CALCRL: variants seen among roughly 807,000 people sequenced by gnomAD.
The protein encoded by CALCRL is calcitonin receptor like receptor, also known as calcitonin gene-related peptide type 1 receptor.
CALCRL carries 27 observed loss-of-function variants against 60.4 expected under a neutral mutation model. That is an observed-to-expected ratio of 0.45 (90% confidence interval 0.33 to 0.62). The LOEUF (loss-of-function observed/expected upper bound fraction) is 0.62, where lower values mean the gene tolerates loss of function less well. CALCRL is among the 20% of genes least tolerant of loss of function. The pLI, the probability that CALCRL is intolerant of heterozygous loss-of-function variation, is 0.03. For synonymous variants in CALCRL, 190 were observed against 182.6 expected (o/e 1.04, Z -0.33); for missense variants, 424 against 540.7 (o/e 0.78, Z 2.14).
chr2:187,411,818 A>G (rs1689372054), intron 1 of CALCRL, among the ~76,000 whole-genome samples: 1 of 151,716 alleles, frequency 6.6e-6, no homozygotes. Flanking sequence ...AATATGGTGA[A>G]ACCCCATCTC....
intron 5 of CALCRL, among the ~76,000 whole-genome samples, chr2:187,381,411 T>C (rs1192320730): frequency 6.6e-6 from 1 of 152,156 alleles, no homozygotes; most frequent in African/African-American, 2.4e-5. Context: ...GTAGGTAAAT[T>C]AACCGACCAA....
At chr2:187,414,939 A>G (rs1030140133) in intron 1 of CALCRL, among the ~76,000 whole-genome samples, 1 of 150,746 alleles carries the variant, frequency 6.6e-6, no homozygotes, top group Admixed American at 6.6e-5. Flanking sequence ...TCCCCCATCC[A>G]TCCAGAAAAT....
chr2:187,388,879 CTGTT>C (rs1688314353), intron 1 of CALCRL, among the ~76,000 whole-genome samples: 1 of 151,952 alleles, frequency 6.6e-6, no homozygotes, highest in South Asian at 2.1e-4. Context: ...TTGCAAATCA[CTGTT>C]TGGTGTTTAA....
rs78871976 is a variant in CALCRL at position 187,414,123 on chromosome 2, T to C, written c.-292-26367A>G. The stretch of plus-strand genomic sequence containing the variant: ...ATGAAAATTTCATATTGGATATCAT[T>C]ACCTGTCATCTAACAGGAGGAAAGG... On this transcript the variant is annotated intron_variant, in intron 1 of 14. Transcript: ENST00000392370. Among the ~76,000 whole-genome samples, 837 of 152,274 alleles carry C rather than the reference T, an allele frequency of 5.5e-3. 10 individuals are homozygous for C. The highest frequency in any genetic ancestry group is 0.019 in the African/African-American group (779 of 41,560).
chr2:187,375,082 C>T (rs4482438), intron 8 of CALCRL, among the ~76,000 whole-genome samples: 12,368 of 151,260 alleles, frequency 0.082, 645 homozygotes, highest in South Asian at 0.17. Flanking sequence ...ACCATCCTGG[C>T]TAACAAGGTG....
intron 1 of CALCRL, among the ~76,000 whole-genome samples, chr2:187,447,644 C>G (rs1357252896): frequency 6.6e-6 from 1 of 152,004 alleles, no homozygotes; most frequent in African/African-American, 2.4e-5. Context: ...CTCTTTCTTA[C>G]AGCTGATAAC....
At chr2:187,436,231 A>G (rs1690638544) in intron 1 of CALCRL, among the ~76,000 whole-genome samples, 1 of 152,190 alleles carries the variant, frequency 6.6e-6, no homozygotes, top group African/African-American at 2.4e-5. Context: ...CAAAATACAG[A>G]AAAGAGAACA....
intron 1 of CALCRL, among the ~76,000 whole-genome samples, chr2:187,427,318 T>C (rs376289799): frequency 1.3e-5 from 2 of 152,166 alleles, no homozygotes; most frequent in African/African-American, 2.4e-5. Flanking sequence ...ACTCACTTCA[T>C]AGGTCCTTGG....
At chr2:187,410,965 C>T (rs150970992) in intron 1 of CALCRL, among the ~76,000 whole-genome samples, 40 of 151,696 alleles carry the variant, frequency 2.6e-4, no homozygotes, top group African/African-American at 9.0e-4. Context: ...ATTATCCTTC[C>T]GACTTTTATA....
At chr2:187,386,850 A>C (rs1688226267) in intron 3 of CALCRL, among the ~76,000 whole-genome samples, 1 of 152,140 alleles carries the variant, frequency 6.6e-6, no homozygotes, top group Non-Finnish European at 1.5e-5. Flanking sequence ...AGAGTAAATA[A>C]GGCTCACAAG....
At chr2:187,354,271 A>G (rs1354853134) in intron 12 of CALCRL, among the ~76,000 whole-genome samples, 1 of 151,950 alleles carries the variant, frequency 6.6e-6, no homozygotes, top group African/African-American at 2.4e-5. Flanking sequence ...TCATGACAGG[A>G]ACTGGGGTAA....
At chr2:187,381,736 G>A (rs894293551) in intron 5 of CALCRL, among the ~76,000 whole-genome samples, 1 of 152,148 alleles carries the variant, frequency 6.6e-6, no homozygotes, top group African/African-American at 2.4e-5. Context: ...TTACAGGTGT[G>A]AGCCACCACA....
At chr2:187,413,699 G>A (rs776687620) in intron 1 of CALCRL, among the ~76,000 whole-genome samples, 2 of 152,046 alleles carry the variant, frequency 1.3e-5, no homozygotes, top group Non-Finnish European at 2.9e-5. Context: ...GACAGTACAA[G>A]GGCTGGCACA....
At chr2:187,354,468 A>T (rs1369697276) in intron 12 of CALCRL, among the ~76,000 whole-genome samples, 1 of 152,016 alleles carries the variant, frequency 6.6e-6, no homozygotes, top group Non-Finnish European at 1.5e-5. Context: ...TGGAAATGTG[A>T]TGGAGGAAGT....
At chr2:187,422,177 T>TA (rs1229560249) in intron 1 of CALCRL, among the ~76,000 whole-genome samples, 1 of 152,138 alleles carries the variant, frequency 6.6e-6, no homozygotes, top group Non-Finnish European at 1.5e-5. Flanking sequence ...AAAATTCCAA[T>TA]AAAAAATTAG....
chr2:187,397,771 C>T (rs1225084159), intron 1 of CALCRL, among the ~76,000 whole-genome samples: 2 of 151,594 alleles, frequency 1.3e-5, no homozygotes, highest in East Asian at 1.9e-4. Context: ...GTTTAGCTCC[C>T]GCTTATAAGT....
In CALCRL at chr2:187,412,638, G is replaced by A. The variant is rs1473077216; in HGVS notation, c.-292-24882C>T. On this transcript the variant is annotated intron_variant, in intron 1 of 14. Coordinates refer to ENST00000392370, the MANE Select transcript of CALCRL (RefSeq NM_005795.6). ...CTATTATCTGAATTATTCAAGCTAA[G>A]GGCAGCCTCTGCTTGACATACTATT... Among the ~76,000 whole-genome samples the A allele has an allele frequency of 2.6e-5, 4 of 152,096 alleles. No homozygotes were observed. In the East Asian group the frequency reaches 7.7e-4, roughly 29 times the overall value.
intron 1 of CALCRL, among the ~76,000 whole-genome samples, chr2:187,389,842 G>A (rs982875823): frequency 5.3e-5 from 8 of 152,018 alleles, no homozygotes; most frequent in African/African-American, 1.9e-4. Context: ...TTATTGGAAT[G>A]TATGATTATT....
At chr2:187,438,594 A>T (rs1204422063) in intron 1 of CALCRL, among the ~76,000 whole-genome samples, 1 of 151,934 alleles carries the variant, frequency 6.6e-6, no homozygotes, top group Non-Finnish European at 1.5e-5. Context: ...CCAGAAAGGC[A>T]ATAAGTAACG....
Sources: gnomAD v4.1 joint callset for allele counts (sites outside exome capture counted in the v4.1 genomes callset) on GRCh38, gnomAD v4.1.1 for gene constraint, MANE v1.5 for transcripts, NCBI Gene and HGNC (gene_info 2026-07-23, HGNC 2026-07-21) for gene names.